TMX3: variants seen among roughly 807,000 people sequenced by gnomAD.
TMX3 encodes thioredoxin related transmembrane protein 3, also known as protein disulfide-isomerase TMX3.
A neutral mutation model predicts 64.4 loss-of-function variants in TMX3; 40 were observed. That is an observed-to-expected ratio of 0.62 (90% CI 0.48 to 0.81). TMX3 has a LOEUF of 0.81. Ranked by LOEUF, TMX3 falls within the 30% of genes least tolerant of loss-of-function variation. TMX3 has a pLI of 0.00. For synonymous variants in TMX3, 189 were observed against 175.7 expected (o/e 1.08, Z -0.60); for missense variants, 497 against 534.5 (o/e 0.93, Z 0.69).
Position 68,702,175 on chromosome 18 carries a change from C to CAAAAAAA in TMX3, c.266-392_266-386dup, listed in dbSNP as rs375234012. ...TCTTCTAGGTCTCATTTACTCCTCT[C>CAAAAAAA]AAAAAAAAAAAAAAAAAAAAAAAAA... On this transcript the variant is annotated intron_variant, in intron 4 of 15. Transcript: ENST00000299608. Among the ~76,000 whole-genome samples, 17 of 44,056 alleles carry CAAAAAAA rather than the reference C, an allele frequency of 3.9e-4. 3 individuals are homozygous for CAAAAAAA. Among genetic ancestry groups the CAAAAAAA allele is most frequent in the African/African-American group, 1.1e-3 (15 of 13,208 alleles). 28.9% of individuals were successfully genotyped at this position (44,056 alleles called of 152,430 possible).
chr18:68,707,174 A>G (rs956345289), intron 4 of TMX3, among the ~76,000 whole-genome samples: 3 of 151,260 alleles, frequency 2.0e-5, no homozygotes, highest in African/African-American at 7.3e-5. Context: ...TGCTAACTCC[A>G]CAACTTTTCT....
Position 68,674,805 on chromosome 18 carries a change from T to C in TMX3, c.*2128A>G, listed in dbSNP as rs1001451929. 1 of 152,114 alleles carries C rather than the reference T, an allele frequency of 6.6e-6. No homozygotes were observed. Among genetic ancestry groups the C allele is most frequent in the African/African-American group, 2.4e-5 (1 of 41,440 alleles). 9.4% of individuals were successfully genotyped at this position (152,114 alleles called of 1,614,324 possible). A position where few individuals can be genotyped will look rare whatever the true frequency, so the allele number is the denominator to read the frequency against. On this transcript the variant is annotated 3_prime_UTR_variant, in exon 16 of 16. Coordinates refer to ENST00000299608, the MANE Select transcript of TMX3 (RefSeq NM_019022.5). ...CTTACAAACCACCTACACATTTTGT[T>C]TTCCCAACAGACACACTTTAAAAGC... is the stretch of plus-strand genomic sequence containing the variant.
At chr18:68,699,772 C>T (rs979191890) in intron 6 of TMX3, among the ~76,000 whole-genome samples, 3 of 152,008 alleles carry the variant, frequency 2.0e-5, no homozygotes, top group Admixed American at 6.6e-5. Flanking sequence ...AAAAAATCAA[C>T]GACAAATTCA....
Position 68,688,048 on chromosome 18 carries a change from A to T in TMX3, c.638-283T>A, listed in dbSNP as rs961947301. Reference sequence around the variant, plus strand: ...AAATAATTTAAATAAATTTTGGTATATGTCGATAAAGATCATTTATAAATT... The same window carrying T: ...AAATAATTTAAATAAATTTTGGTATTTGTCGATAAAGATCATTTATAAATT... On this transcript the variant is annotated intron_variant, in intron 9 of 15. Coordinates refer to ENST00000299608, the MANE Select transcript of TMX3 (RefSeq NM_019022.5). 5.2e-5 allele frequency: 11 copies of T among 210,170 alleles called. No individual in the cohort carries two copies. The Admixed American group carries it at 5.8e-4, about 11-fold the overall frequency. The allele number at this position is 210,170 out of a possible 1,614,324, so 13.0% of individuals were successfully genotyped here. A position where few individuals can be genotyped will look rare whatever the true frequency, so the allele number is the denominator to read the frequency against.
At chr18:68,711,075 C>T (rs1328568976) in intron 3 of TMX3, among the ~76,000 whole-genome samples, 1 of 152,128 alleles carries the variant, frequency 6.6e-6, no homozygotes, top group East Asian at 1.9e-4. Flanking sequence ...TACCCTATAT[C>T]ATTAAGATAT....
chr18:68,705,383 G>A (rs1401660206), intron 4 of TMX3, among the ~76,000 whole-genome samples: 1 of 152,208 alleles, frequency 6.6e-6, no homozygotes, highest in Non-Finnish European at 1.5e-5. Flanking sequence ...ATGCAAGGCT[G>A]AGAAGCCCTG....
chr18:68,690,767 C>CT (rs1914442274), intron 9 of TMX3, among the ~76,000 whole-genome samples: 1 of 152,144 alleles, frequency 6.6e-6, no homozygotes, highest in African/African-American at 2.4e-5. Context: ...GTATGTAGGG[C>CT]TTTACCATTC....
Position 68,714,948 on chromosome 18 carries a change from G to C in TMX3, c.34C>G (p.Leu12Val). The C allele has an allele frequency of 6.4e-7, 1 of 1,569,924 alleles. No individual in the cohort carries two copies. Among genetic ancestry groups the C allele is most frequent in the Non-Finnish European group, 8.6e-7 (1 of 1,158,274 alleles). ...GAGCCCCCATTACCTGTGGCGCAGA[G>C]CCGCAGGGCCGTCCAACTCTTCCAC... ...AAWKSWTALR[L>V]CATVVVLDMV... The change falls in exon 1 of 16, where the codon CTC (leucine) becomes GTC (valine). Residue 12 changes from leucine to valine, a missense_variant. Physicochemically the swap from Leu to Val is conservative, Grantham distance 32. Transcript: ENST00000299608.
At chr18:68,687,218 T>C in intron 10 of TMX3, 1 of 985,448 alleles carries the variant, frequency 1.0e-6, no homozygotes. Flanking sequence ...CATTTTTGTA[T>C]TCGTGTTTGT....
chr18:68,687,399 T>C (rs1334248403), intron 10 of TMX3: 6 of 985,264 alleles, frequency 6.1e-6, no homozygotes, highest in African/African-American at 1.7e-5. Context: ...GTTGGTTATT[T>C]TTCTCACTCT....
chr18:68,714,079 T>A (rs2031621754), intron 1 of TMX3, among the ~76,000 whole-genome samples, 179 bp from the exon 2 acceptor site: 1 of 152,168 alleles, frequency 6.6e-6, no homozygotes, highest in Non-Finnish European at 1.5e-5. Flanking sequence ...TAATAAATAT[T>A]TAGTCTGTAT....
intron 8 of TMX3, among the ~76,000 whole-genome samples, chr18:68,696,516 A>G (rs1599321663): frequency 6.6e-6 from 1 of 150,534 alleles, no homozygotes; most frequent in East Asian, 2.0e-4. Context: ...TCACTCTGTC[A>G]CCCAGACTGG....
At chr18:68,687,184 A>G (rs1914047504) in intron 10 of TMX3, 2 of 985,304 alleles carry the variant, frequency 2.0e-6, no homozygotes, top group Admixed American at 1.2e-4. Flanking sequence ...ATCTGAGACC[A>G]TATAATCGGC....
At chr18:68,691,231 T>C (rs1470682607) in intron 9 of TMX3, 64 bp downstream of exon 9, 7 of 1,150,934 alleles carry the variant, frequency 6.1e-6, no homozygotes, top group Non-Finnish European at 8.7e-6. Context: ...TCTTTACACC[T>C]AAGTTGTATA....
rs1444410612 is a variant in TMX3 at position 68,681,045 on chromosome 18, C to G, written c.971G>C (p.Arg324Thr). 1 of 1,603,472 alleles carries G rather than the reference C, an allele frequency of 6.2e-7. No individual in the cohort carries two copies. Among genetic ancestry groups the G allele is most frequent in the Non-Finnish European group, 8.5e-7 (1 of 1,175,358 alleles). Reference sequence around the variant, plus strand: ...CATGTCTTCAACATTCTTAATCTGTCTATCTAGCAAGAAATATTGCTGGTT... The same window carrying G: ...CATGTCTTCAACATTCTTAATCTGTGTATCTAGCAAGAAATATTGCTGGTT... ...TSNQQYFLLD[R>T]QIKNVEDMVQ... Residue 324 changes from arginine (R) to threonine (T), a missense_variant, in exon 14 of 16, where the codon AGA becomes ACA. Arg to Thr is a moderately conservative substitution (Grantham distance 71). Coordinates refer to ENST00000299608, the MANE Select transcript of TMX3 (RefSeq NM_019022.5).
chr18:68,693,738 G>A (rs991470468), intron 8 of TMX3, among the ~76,000 whole-genome samples: 9 of 152,174 alleles, frequency 5.9e-5, no homozygotes, highest in African/African-American at 1.9e-4. Flanking sequence ...TAGGCAGGAA[G>A]GGGTGGGTCC....
chr18:68,708,919 G>A (rs1472600306), intron 4 of TMX3, among the ~76,000 whole-genome samples: 1 of 152,132 alleles, frequency 6.6e-6, no homozygotes, highest in Non-Finnish European at 1.5e-5. Flanking sequence ...GAGGTTAAGT[G>A]CTTCCCAAAG....
chr18:68,685,535 T>A (rs551324868), intron 10 of TMX3, among the ~76,000 whole-genome samples: 256 of 152,298 alleles, frequency 1.7e-3, no homozygotes, highest in Non-Finnish European at 3.1e-3. Flanking sequence ...TTTCAAAATG[T>A]CTACAACATG....
At chr18:68,707,147 T>C (rs2030753357) in intron 4 of TMX3, among the ~76,000 whole-genome samples, 1 of 152,104 alleles carries the variant, frequency 6.6e-6, no homozygotes. Context: ...ACATTAAGTG[T>C]CTGCTAAATG....
Sources: gnomAD v4.1 joint callset for allele counts (sites outside exome capture counted in the v4.1 genomes callset) on GRCh38, gnomAD v4.1.1 for gene constraint, MANE v1.5 for transcripts, NCBI Gene and HGNC (gene_info 2026-07-23, HGNC 2026-07-21) for gene names.